CCDC28A: variants seen among roughly 807,000 people sequenced by gnomAD.
The protein encoded by CCDC28A is coiled-coil domain-containing protein 28A.
In CCDC28A, 24 loss-of-function variants were observed where a neutral mutation model predicts 22.1. That is an observed-to-expected ratio of 1.09 (90% CI 0.79 to 1.53). The LOEUF is 1.53. Among genes scored for constraint, CCDC28A ranks in the 40% most tolerant of loss-of-function variants. The pLI is 0.00. For missense variants in CCDC28A, 170 were observed against 210.7 expected (o/e 0.81, Z 1.20); for synonymous variants, 83 against 74.7 (o/e 1.11, Z -0.57).
chr6:138,791,498 C>A (rs1390368930), intron 5 of CCDC28A, among the ~76,000 whole-genome samples: 3 of 152,052 alleles, frequency 2.0e-5, no homozygotes, highest in East Asian at 1.9e-4. Flanking sequence ...TTTTTTTAAA[C>A]CATGTCAACT....
chr6:138,792,289 G>A (rs1775181569), intron 5 of CCDC28A, among the ~76,000 whole-genome samples: 1 of 152,114 alleles, frequency 6.6e-6, no homozygotes, highest in Non-Finnish European at 1.5e-5. Context: ...AGCACTTTGG[G>A]AGGCCGAGGC....
In CCDC28A at chr6:138,790,709, G is replaced by T. The variant is rs142831220; in HGVS notation, c.501-2040G>T. ...TCCCCTCCTAATTTCCCTCTTTGTC[G>T]GCTGTCTCTGTTAATTCAGTCTCCA... On this transcript the variant is annotated intron_variant, in intron 5 of 5. Coordinates refer to ENST00000617445, the MANE Select transcript of CCDC28A (RefSeq NM_015439.3). Among the ~76,000 whole-genome samples, 286 of 152,212 alleles carry T rather than the reference G, an allele frequency of 1.9e-3. 1 individual carries two copies. The highest frequency in any genetic ancestry group is 6.6e-3 in the African/African-American group (274 of 41,532).
intron 2 of CCDC28A, among the ~76,000 whole-genome samples, chr6:138,776,788 T>C (rs1388919613): frequency 3.3e-5 from 5 of 152,108 alleles, no homozygotes; most frequent in Non-Finnish European, 7.4e-5. Context: ...TGAGGGGCTG[T>C]GACTGTGTGG....
At chr6:138,788,942 G>A (rs1013626355) in intron 5 of CCDC28A, among the ~76,000 whole-genome samples, 1 of 152,138 alleles carries the variant, frequency 6.6e-6, no homozygotes, top group African/African-American at 2.4e-5. Flanking sequence ...GATATTCAGA[G>A]ATAATATACT....
At chr6:138,791,950 G>A (rs1338939030) in intron 5 of CCDC28A, among the ~76,000 whole-genome samples, 1 of 152,134 alleles carries the variant, frequency 6.6e-6, no homozygotes, top group African/African-American at 2.4e-5. Context: ...TAAGTAACAG[G>A]TGGATAAATA....
intron 2 of CCDC28A, among the ~76,000 whole-genome samples, chr6:138,778,106 T>A (rs958763742): frequency 6.6e-6 from 1 of 152,172 alleles, no homozygotes; most frequent in Non-Finnish European, 1.5e-5. Flanking sequence ...GTCAACAATG[T>A]ATGTATTCTA....
intron 2 of CCDC28A, among the ~76,000 whole-genome samples, chr6:138,776,647 G>C (rs749180403): frequency 6.6e-6 from 1 of 151,348 alleles, no homozygotes; most frequent in Non-Finnish European, 1.5e-5. Flanking sequence ...TTTGTGCCTT[G>C]GTAGTTTTCT....
intron 4 of CCDC28A, 122 bp downstream of exon 4, chr6:138,785,503 G>A (rs1775083329): frequency 1.2e-5 from 8 of 672,278 alleles, no homozygotes; most frequent in Middle Eastern, 2.5e-4. Flanking sequence ...GTGTTGTGCC[G>A]ATCGCTGTTG....
chr6:138,776,656 CTTAA>C (rs1774938279), intron 2 of CCDC28A, among the ~76,000 whole-genome samples: 3 of 151,298 alleles, frequency 2.0e-5, no homozygotes, highest in Non-Finnish European at 4.4e-5. Context: ...TGGTAGTTTT[CTTAA>C]TTTATTTTAT....
chr6:138,788,302 A>G, intron 4 of CCDC28A, 64 bp from the exon 5 acceptor site: 1 of 561,366 alleles, frequency 1.8e-6, no homozygotes, highest in Non-Finnish European at 3.0e-6. Flanking sequence ...AAAAAGAAAT[A>G]GTTAACAACT....
At position 138,789,569 on chromosome 6, in the gene CCDC28A, A is replaced by G. The variant is rs1012264290; in HGVS notation, c.500+1181A>G. On this transcript the variant is annotated intron_variant, in intron 5 of 5. Transcript: ENST00000617445. ...GCCTGGCACGGTGGCTCATGCCTGT[A>G]ATCCCAGCACTGTGGGAGGCTGAGG... Among the ~76,000 whole-genome samples, 5 of 152,238 alleles carry G rather than the reference A, an allele frequency of 3.3e-5. No individual in the cohort carries two copies. The East Asian group carries it at 9.6e-4, about 29-fold the overall frequency.
At chr6:138,774,818 G>A (rs1281505207) in intron 1 of CCDC28A, among the ~76,000 whole-genome samples, 3 of 152,232 alleles carry the variant, frequency 2.0e-5, no homozygotes, top group African/African-American at 7.2e-5. Flanking sequence ...AATGTTTCTA[G>A]AAGGCAATTT....
Position 138,773,792 on chromosome 6 carries a change from A to G in CCDC28A, c.-153A>G, listed in dbSNP as rs2114896466. Reference sequence around the variant, plus strand: ...CCGTAAACAAACGGAGCTGCGGAGGAGCGGGTCCCGGGATGTGACCGGGGC... The same window carrying G: ...CCGTAAACAAACGGAGCTGCGGAGGGGCGGGTCCCGGGATGTGACCGGGGC... On this transcript the variant is annotated 5_prime_UTR_variant, in exon 1 of 6. Coordinates refer to ENST00000617445, the MANE Select transcript of CCDC28A (RefSeq NM_015439.3). 5.0e-6 allele frequency: 8 copies of G among 1,613,708 alleles called. No individual in the cohort carries two copies. Among genetic ancestry groups the G allele is most frequent in the Non-Finnish European group, 5.9e-6 (7 of 1,179,830 alleles).
chr6:138,780,068 A>G, intron 3 of CCDC28A, 83 bp downstream of exon 3: 2 of 1,002,888 alleles, frequency 2.0e-6, no homozygotes, highest in Non-Finnish European at 2.8e-6. Context: ...TCTTCTTTTC[A>G]AAGTGCCAGT....
chr6:138,773,964 G>T (rs1352598110), intron 1 of CCDC28A, 62 bp downstream of exon 1: 36 of 1,581,362 alleles, frequency 2.3e-5, no homozygotes, highest in Non-Finnish European at 2.8e-5. Flanking sequence ...CCACCACTCT[G>T]GTCACTGCTG....
At chr6:138,775,453 G>T (rs1451795243) in intron 1 of CCDC28A, among the ~76,000 whole-genome samples, 1 of 152,146 alleles carries the variant, frequency 6.6e-6, no homozygotes, top group Non-Finnish European at 1.5e-5. Flanking sequence ...TTCAAAATAG[G>T]CAACGAACAA....
Position 138,783,403 on chromosome 6 carries a change from G to A in CCDC28A, c.323-1824G>A, listed in dbSNP as rs373197797. Among the ~76,000 whole-genome samples, 82 of 146,850 alleles carry A rather than the reference G, an allele frequency of 5.6e-4. 1 individual carries two copies. In the East Asian group the frequency reaches 0.014, roughly 25 times the overall value. ...CCCACCTCAGCCTCCCAAGTAGCTG[G>A]TACTGCAGGCACACACCACCACACC... On this transcript the variant is annotated intron_variant, in intron 3 of 5. Transcript: ENST00000617445.
rs571880524 is a variant in CCDC28A at position 138,779,325 on chromosome 6, TAAC to T, written c.159-494_159-492del. Among the ~76,000 whole-genome samples, 159 of 152,318 alleles carry T rather than the reference TAAC, an allele frequency of 1.0e-3. 3 individuals carry two copies. Among genetic ancestry groups the T allele is most frequent in the Admixed American group, 0.01 (158 of 15,294 alleles). The stretch of plus-strand genomic sequence containing the variant: ...AGGAAGTTAGAGGAGTCAAGGATGA[TAAC>T]AAGTTTTTAGTATTCCATTACATGG... On this transcript the variant is annotated intron_variant, in intron 2 of 5. Transcript: ENST00000617445.
chr6:138,773,907 G>A lies in CCDC28A; in HGVS notation c.-43+5G>A. The A allele has an allele frequency of 6.2e-7, 1 of 1,612,162 alleles. No homozygotes were observed. Among genetic ancestry groups the A allele is most frequent in the East Asian group, 2.2e-5 (1 of 44,864 alleles). On this transcript the variant is annotated splice_donor_5th_base_variant and intron_variant, in intron 1 of 5. Coordinates refer to ENST00000617445, the MANE Select transcript of CCDC28A (RefSeq NM_015439.3). ...CCCAATACCCTTCTTCTTCAGGTAT[G>A]TAGTGGAAGCAAAGGAACCTCCGCA...
Sources: gnomAD v4.1 joint callset for allele counts (sites outside exome capture counted in the v4.1 genomes callset) on GRCh38, gnomAD v4.1.1 for gene constraint, MANE v1.5 for transcripts, NCBI Gene and HGNC (gene_info 2026-07-23, HGNC 2026-07-21) for gene names.